AVPI1: variants seen among roughly 807,000 people sequenced by gnomAD.
The protein encoded by AVPI1 is arginine vasopressin-induced protein 1.
In AVPI1, 9 loss-of-function variants were observed where a neutral mutation model predicts 11.9. That is an observed-to-expected ratio of 0.76 (90% CI 0.46 to 1.32). The LOEUF is 1.32. Among genes scored for constraint, AVPI1 ranks in the 40% most tolerant of loss-of-function variants. AVPI1 has a pLI of 0.00. For missense variants in AVPI1, 207 were observed against 195.8 expected (o/e 1.06, Z -0.34); for synonymous variants, 68 against 78.1 (o/e 0.87, Z 0.68).
At chr10:97,678,945 GTGTGTGT>G in intron 2 of AVPI1, among the ~76,000 whole-genome samples, 1 of 39,870 alleles carries the variant, frequency 2.5e-5, no homozygotes, top group African/African-American at 9.3e-5. Context: ...GTGTGTGTGT[GTGTGTGT>G]GTGTGTGTGT....
At chr10:97,678,291 G>A (rs2041677505) in intron 2 of AVPI1, among the ~76,000 whole-genome samples, 1 of 152,196 alleles carries the variant, frequency 6.6e-6, no homozygotes, top group Non-Finnish European at 1.5e-5. Context: ...GATGTCATAA[G>A]TCATGCTATT....
At chr10:97,680,852 G>A (rs1033305002) in intron 1 of AVPI1, among the ~76,000 whole-genome samples, 2 of 152,162 alleles carry the variant, frequency 1.3e-5, no homozygotes, top group Non-Finnish European at 2.9e-5. Flanking sequence ...CAGAAGAGGA[G>A]GCTACAAGGG....
chr10:97,677,810 A>G lies in AVPI1; in HGVS notation c.*59T>C. 6.3e-7 allele frequency: 1 copy of G among 1,593,952 alleles called. No individual in the cohort carries two copies. Among genetic ancestry groups the G allele is most frequent in the South Asian group, 1.1e-5 (1 of 88,394 alleles). ...GCTTGCCTAAAGTCTCTCTTCCTTC[A>G]CCTCCCCAGGCCTTTTGGCAAGAGG... On this transcript the variant is annotated 3_prime_UTR_variant, in exon 3 of 3. Transcript: ENST00000370626.
intron 1 of AVPI1, among the ~76,000 whole-genome samples, chr10:97,681,648 T>C (rs951842108): frequency 2.1e-5 from 3 of 145,734 alleles, no homozygotes; most frequent in East Asian, 2.0e-4. Flanking sequence ...GAGGCCGAGG[T>C]GGGTGGATCA....
chr10:97,683,036 C>A (rs1297918653), intron 1 of AVPI1, among the ~76,000 whole-genome samples: 1 of 152,202 alleles, frequency 6.6e-6, no homozygotes, highest in East Asian at 1.9e-4. Context: ...CAAAACAATT[C>A]TAGGAGTTAG....
Position 97,685,163 on chromosome 10 carries a change from C to T in AVPI1, c.-11+1603G>A, listed in dbSNP as rs1012388069. ...AGGTAAGTATGGGTCTGTGTACAAACGAGTAAAGACCAATTGCAAAATACT... is the reference window on the plus strand; with the variant it reads ...AGGTAAGTATGGGTCTGTGTACAAATGAGTAAAGACCAATTGCAAAATACT... On this transcript the variant is annotated intron_variant, in intron 1 of 2. Coordinates refer to ENST00000370626, the MANE Select transcript of AVPI1 (RefSeq NM_021732.3). 3.9e-5 allele frequency among the ~76,000 whole-genome samples: 6 copies of T among 152,056 alleles called. No homozygotes were observed. In the South Asian group the frequency reaches 1.0e-3, roughly 26 times the overall value.
chr10:97,680,660 G>A (rs1352164653), intron 1 of AVPI1, among the ~76,000 whole-genome samples: 11 of 152,188 alleles, frequency 7.2e-5, no homozygotes. Context: ...AAGATTGAAG[G>A]AAGACAAAGT....
At chr10:97,686,668 T>C (rs4561136) in intron 1 of AVPI1, 98 bp downstream of exon 1, 26,333 of 152,082 alleles carry the variant, frequency 0.17, 2,428 homozygotes, top group South Asian at 0.34. Flanking sequence ...CTGTAGATTG[T>C]GGAAGGAGCA....
rs374864315 is a variant in AVPI1 at position 97,678,114 on chromosome 10, CAT to C, written c.288-91_288-90del. 906 of 1,429,372 alleles carry C rather than the reference CAT, an allele frequency of 6.3e-4. 4 individuals carry two copies. The African/African-American group carries it at 9.6e-3, about 15-fold the overall frequency. The allele number at this position is 1,429,372 out of a possible 1,614,324, so 88.5% of individuals were successfully genotyped here. A position where few individuals can be genotyped will look rare whatever the true frequency, so the allele number is the denominator to read the frequency against. On this transcript the variant is annotated intron_variant, in intron 2 of 2. Coordinates refer to ENST00000370626, the MANE Select transcript of AVPI1 (RefSeq NM_021732.3). ...GATTTCGTCATGGTGGACCATAAAA[CAT>C]ATGATTTGGAGCAAAATGAGAGCGG...
At position 97,679,723 on chromosome 10, in the gene AVPI1, AC is replaced by A. The variant is rs768015513; in HGVS notation, c.182del (p.Cys61LeufsTer108). On this transcript the variant is annotated frameshift_variant, in exon 2 of 3. Coordinates refer to ENST00000370626, the MANE Select transcript of AVPI1 (RefSeq NM_021732.3). LOFTEE classifies it high-confidence loss of function. ...CCTCAGCCACACGGTGGTCCCCTGC[AC>A]ATTCCCAGATGATCTGTGCCCGTTC... ...AEERAQIIWE[C>X]AGDHRVAEAL... 5 of 1,614,012 alleles carry A rather than the reference AC, an allele frequency of 3.1e-6. No homozygotes were observed. The Admixed American group carries it at 8.3e-5, about 27-fold the overall frequency.
At chr10:97,685,522 C>A (rs1001212668) in intron 1 of AVPI1, among the ~76,000 whole-genome samples, 4 of 152,156 alleles carry the variant, frequency 2.6e-5, no homozygotes, top group South Asian at 2.1e-4. Context: ...AGGAGGAGGC[C>A]CCCTTCCAAT....
At position 97,677,750 on chromosome 10, in the gene AVPI1, C is replaced by T. The variant is rs2041672923; in HGVS notation, c.*119G>A. 1 of 1,232,412 alleles carries T rather than the reference C, an allele frequency of 8.1e-7. No individual in the cohort carries two copies. 76.3% of individuals were successfully genotyped at this position (1,232,412 alleles called of 1,614,324 possible). On this transcript the variant is annotated 3_prime_UTR_variant, in exon 3 of 3. Coordinates refer to ENST00000370626, the MANE Select transcript of AVPI1 (RefSeq NM_021732.3). ...TGTTCTGAATGGAGCAGGTCAGTGGCAGCAGCCTCTTGCTTTCATTTACCC... is the reference window on the plus strand; with the variant it reads ...TGTTCTGAATGGAGCAGGTCAGTGGTAGCAGCCTCTTGCTTTCATTTACCC...
intron 1 of AVPI1, among the ~76,000 whole-genome samples, chr10:97,683,274 C>T (rs917395831): frequency 1.3e-5 from 2 of 152,204 alleles, no homozygotes; most frequent in Non-Finnish European, 2.9e-5. Context: ...TCTCCTGCCT[C>T]AGCCTCCCGA....
At chr10:97,685,148 G>A (rs2041722789) in intron 1 of AVPI1, among the ~76,000 whole-genome samples, 4 of 152,130 alleles carry the variant, frequency 2.6e-5, no homozygotes, top group Non-Finnish European at 5.9e-5. Flanking sequence ...AGGTAAGTAT[G>A]GGTCTGTGTA....
intron 1 of AVPI1, among the ~76,000 whole-genome samples, chr10:97,681,892 A>G (rs1433605838): frequency 2.1e-4 from 31 of 147,626 alleles, no homozygotes; most frequent in Non-Finnish European, 4.0e-4. Context: ...CTCAAAAAAA[A>G]AGAAAAAAAA....
chr10:97,684,211 G>C (rs2135773025), intron 1 of AVPI1, among the ~76,000 whole-genome samples: 1 of 152,276 alleles, frequency 6.6e-6, no homozygotes, highest in Non-Finnish European at 1.5e-5. Context: ...AGGCAGGTCT[G>C]GGGTAGTAGG....
At chr10:97,683,476 C>A (rs1465208383) in intron 1 of AVPI1, among the ~76,000 whole-genome samples, 1 of 152,196 alleles carries the variant, frequency 6.6e-6, no homozygotes, top group Admixed American at 6.5e-5. Context: ...GCTTTTAAAC[C>A]CCCGAGCTGG....
chr10:97,686,439 C>T (rs1272027281), intron 1 of AVPI1, among the ~76,000 whole-genome samples: 2 of 152,178 alleles, frequency 1.3e-5, no homozygotes, highest in Admixed American at 6.5e-5. Context: ...TTCTTTCCTC[C>T]TCACTTAAGG....
Position 97,687,087 on chromosome 10 carries a change from G to C in AVPI1, c.-332C>G, listed in dbSNP as rs147493039. The C allele has an allele frequency of 2.8e-3, 425 of 152,506 alleles. 1 individual carries two copies. Among genetic ancestry groups the C allele is most frequent in the Non-Finnish European group, 4.5e-3 (306 of 68,164 alleles). 9.4% of individuals were successfully genotyped at this position (152,506 alleles called of 1,614,324 possible). A position where few individuals can be genotyped will look rare whatever the true frequency, so the allele number is the denominator to read the frequency against. On this transcript the variant is annotated 5_prime_UTR_variant, in exon 1 of 3. Transcript: ENST00000370626. The stretch of plus-strand genomic sequence containing the variant: ...CTGTCGCCCTCCGGCTCCCACCGCA[G>C]CGCCGAGCTGGGCCGCCGACCTACG...
Sources: allele counts gnomAD v4.1 joint callset (sites outside exome capture counted in the v4.1 genomes callset), GRCh38; gene constraint gnomAD v4.1.1; transcripts MANE v1.5; gene names NCBI Gene and HGNC (gene_info 2026-07-23, HGNC 2026-07-21).